Variants in BMP6 observed in about 807,000 individuals in gnomAD.
BMP6 encodes the protein bone morphogenetic protein 6.
A neutral mutation model predicts 54.1 loss-of-function variants in BMP6; 17 were observed. That is an observed-to-expected ratio of 0.31 (90% CI 0.22 to 0.47). The LOEUF is 0.47. BMP6 is among the 20% of genes least tolerant of loss of function. The pLI is 1.00. For synonymous variants in BMP6, 328 were observed against 291.2 expected, an observed-to-expected ratio of 1.13 and a Z score of -1.28; for missense variants, 720 against 690.4, an observed-to-expected ratio of 1.04 and a Z score of -0.48.
intron 1 of BMP6, among the ~76,000 whole-genome samples, chr6:7,795,784 A>G (rs1401644947): frequency 1.3e-5 from 2 of 152,100 alleles, no homozygotes; most frequent in African/African-American, 2.4e-5. Context: ...AGTGGGACTT[A>G]GTGCTGATTG....
chr6:7,771,800 C>T (rs1209755895), intron 1 of BMP6, among the ~76,000 whole-genome samples: 1 of 152,140 alleles, frequency 6.6e-6, no homozygotes, highest in East Asian at 1.9e-4. Context: ...TGCCTGTAAT[C>T]CCAGCACTTT....
At chr6:7,732,741 CTT>C (rs1425918468) in intron 1 of BMP6, among the ~76,000 whole-genome samples, 1 of 152,204 alleles carries the variant, frequency 6.6e-6, no homozygotes, top group African/African-American at 2.4e-5. Flanking sequence ...GCTCTGCTGT[CTT>C]TGCCTCACTC....
intron 1 of BMP6, among the ~76,000 whole-genome samples, chr6:7,749,720 G>A (rs1427191567): frequency 2.6e-5 from 4 of 152,180 alleles, no homozygotes; most frequent in African/African-American, 7.2e-5. Flanking sequence ...ACGGGACACC[G>A]TGACATTGCC....
At chr6:7,796,447 A>G (rs1003372939) in intron 1 of BMP6, among the ~76,000 whole-genome samples, 11 of 152,242 alleles carry the variant, frequency 7.2e-5, no homozygotes, top group African/African-American at 2.4e-4. Context: ...TGTTCCCCAC[A>G]CTGTTGCATT....
At chr6:7,786,503 C>A (rs12530148) in intron 1 of BMP6, among the ~76,000 whole-genome samples, 1 of 145,212 alleles carries the variant, frequency 6.9e-6, no homozygotes, top group South Asian at 2.2e-4. Flanking sequence ...CTCTGGAAAC[C>A]TTTCAGCTCA....
At chr6:7,744,489 G>T (rs556653993) in intron 1 of BMP6, among the ~76,000 whole-genome samples, 32 of 152,270 alleles carry the variant, frequency 2.1e-4, no homozygotes, top group Middle Eastern at 3.4e-3. Context: ...ACAAAAAGTT[G>T]CAGACATCAG....
chr6:7,737,477 T>G (rs1206626557), intron 1 of BMP6, among the ~76,000 whole-genome samples: 1 of 152,004 alleles, frequency 6.6e-6, no homozygotes, highest in African/African-American at 2.4e-5. Context: ...GGGGTCTGTT[T>G]AGGGCAGAGC....
intron 1 of BMP6, among the ~76,000 whole-genome samples, chr6:7,783,730 A>G (rs1757982069): frequency 6.6e-6 from 1 of 152,242 alleles, no homozygotes; most frequent in Non-Finnish European, 1.5e-5. Flanking sequence ...GATGACCTCA[A>G]TACTCCTTCT....
chr6:7,875,186 G>A (rs1194448290), intron 4 of BMP6, among the ~76,000 whole-genome samples: 1 of 152,148 alleles, frequency 6.6e-6, no homozygotes, highest in Non-Finnish European at 1.5e-5. Context: ...GAGCTCTGAT[G>A]TCCCAGGGCA....
intron 1 of BMP6, among the ~76,000 whole-genome samples, chr6:7,813,150 A>ATATAT (rs1233358730): frequency 1.7e-4 from 15 of 89,630 alleles, no homozygotes; most frequent in African/African-American, 6.5e-4. Context: ...TATATATATA[A>ATATAT]AATTAGTGGG....
rs79400669 is a variant in BMP6, at chr6:7,846,793, T to A, written c.857+1461T>A. Among the ~76,000 whole-genome samples the A allele has an allele frequency of 1.3e-3, 202 of 152,336 alleles. 1 individual carries two copies. Among genetic ancestry groups the A allele is most frequent in the African/African-American group, 4.7e-3 (195 of 41,578 alleles). Reference sequence around the variant, plus strand: ...TTGCTAGATTTTTGTCTGTTGATACTTCAGAGATAATTGGTATTCACTGAC... The same window carrying A: ...TTGCTAGATTTTTGTCTGTTGATACATCAGAGATAATTGGTATTCACTGAC... On this transcript the variant is annotated intron_variant, in intron 2 of 6. Coordinates refer to ENST00000283147, the MANE Select transcript of BMP6 (RefSeq NM_001718.6).
At chr6:7,774,789 CTT>C (rs1325063768) in intron 1 of BMP6, among the ~76,000 whole-genome samples, 3 of 152,176 alleles carry the variant, frequency 2.0e-5, no homozygotes, top group African/African-American at 7.2e-5. Flanking sequence ...TGCCTTAGTT[CTT>C]TTTTGGTTGC....
At chr6:7,844,120 A>G (rs1468640035) in intron 1 of BMP6, among the ~76,000 whole-genome samples, 1 of 152,148 alleles carries the variant, frequency 6.6e-6, no homozygotes, top group Non-Finnish European at 1.5e-5. Context: ...TAGATTCTGC[A>G]TATGAGTGAG....
intron 1 of BMP6, among the ~76,000 whole-genome samples, chr6:7,778,872 T>G (rs1427005136): frequency 6.6e-6 from 1 of 152,228 alleles, no homozygotes; most frequent in Non-Finnish European, 1.5e-5. Context: ...ATTCATCATT[T>G]GATGTTTACT....
intron 1 of BMP6, among the ~76,000 whole-genome samples, chr6:7,808,409 G>C (rs931412387): frequency 6.6e-6 from 1 of 152,090 alleles, no homozygotes; most frequent in African/African-American, 2.4e-5. Flanking sequence ...AGCCTCTTGG[G>C]GGGGCGATCA....
intron 1 of BMP6, among the ~76,000 whole-genome samples, chr6:7,788,875 T>G (rs1199021553): frequency 6.7e-6 from 1 of 149,902 alleles, no homozygotes. Flanking sequence ...ATCTCTGTTT[T>G]TTTTTTTTTT....
At chr6:7,845,028 C>T (rs775083136) in intron 1 of BMP6, 112 bp from the exon 2 acceptor site, 35 of 928,750 alleles carry the variant, frequency 3.8e-5, no homozygotes, top group Admixed American at 3.5e-4. Flanking sequence ...CGTAGTAAGC[C>T]GTGGGTAATT....
At chr6:7,826,455 G>A (rs1367039419) in intron 1 of BMP6, among the ~76,000 whole-genome samples, 2 of 152,178 alleles carry the variant, frequency 1.3e-5, no homozygotes, top group African/African-American at 2.4e-5. Context: ...TGAATGACCT[G>A]CAGGCTAATT....
intron 1 of BMP6, among the ~76,000 whole-genome samples, chr6:7,808,692 T>C (rs1758388848): frequency 1.3e-5 from 2 of 152,006 alleles, no homozygotes; most frequent in Admixed American, 6.6e-5. Flanking sequence ...GGTGTGAGGA[T>C]TGCTTGAGTA....
Sources: gnomAD v4.1 joint callset for allele counts (sites outside exome capture counted in the v4.1 genomes callset) on GRCh38, gnomAD v4.1.1 for gene constraint, MANE v1.5 for transcripts, NCBI Gene and HGNC (gene_info 2026-07-23, HGNC 2026-07-21) for gene names.